The following NRG3 variants were observed in gnomAD, a reference collection of about 807,000 sequenced individuals.
NRG3 encodes pro-neuregulin-3, membrane-bound isoform.
A neutral mutation model predicts 66.9 loss-of-function variants in NRG3; 31 were observed. That is an observed-to-expected ratio of 0.46 (90% CI 0.35 to 0.63). NRG3 has a LOEUF of 0.63. Among genes scored for constraint, NRG3 ranks in the 20% least tolerant of loss-of-function variants. NRG3 has a pLI of 0.00. For synonymous variants in NRG3, 393 were observed against 359.4 expected (o/e 1.09, Z -1.06); for missense variants, 910 against 878.9 (o/e 1.04, Z -0.45).
chr10:81,987,081 CA>C (rs1389514300), intron 1 of NRG3, among the ~76,000 whole-genome samples: 40 of 123,644 alleles, frequency 3.2e-4, no homozygotes, highest in Admixed American at 1.0e-3. Context: ...TGTGTGTGTG[CA>C]TTTTTTTTTT....
intron 2 of NRG3, among the ~76,000 whole-genome samples, chr10:82,702,604 G>A (rs76652421): frequency 0.011 from 1,631 of 152,248 alleles, 25 homozygotes; most frequent in African/African-American, 0.038. Flanking sequence ...GATACAGTGC[G>A]ACTGGAAGGG....
intron 2 of NRG3, among the ~76,000 whole-genome samples, chr10:82,592,690 A>G (rs776980160): frequency 6.6e-6 from 1 of 152,176 alleles, no homozygotes; most frequent in Non-Finnish European, 1.5e-5. Flanking sequence ...GCAGCTATCT[A>G]TGCTGCTGAC....
chr10:82,668,350 A>T (rs1196199866), intron 2 of NRG3, among the ~76,000 whole-genome samples: 3 of 152,138 alleles, frequency 2.0e-5, no homozygotes, highest in African/African-American at 7.2e-5. Flanking sequence ...ATTGTTGGGA[A>T]ATCTGATTTT....
intron 2 of NRG3, among the ~76,000 whole-genome samples, chr10:82,661,368 C>A (rs994397447): frequency 2.6e-5 from 4 of 151,700 alleles, no homozygotes; most frequent in African/African-American, 9.7e-5. Context: ...ATATAAACAG[C>A]ATATTAAATA....
In NRG3 at chr10:82,738,655, G is replaced by C; in HGVS notation, c.1027+5G>C. 1 of 1,613,564 alleles carries C rather than the reference G, an allele frequency of 6.2e-7. No individual in the cohort carries two copies. Among genetic ancestry groups the C allele is most frequent in the African/African-American group, 1.3e-5 (1 of 75,016 alleles). On this transcript the variant is annotated splice_donor_5th_base_variant and intron_variant, in intron 3 of 8. Coordinates refer to ENST00000372141, the MANE Select transcript of NRG3 (RefSeq NM_001010848.4). Reference sequence around the variant, plus strand: ...ATTCCATCTTATCGGATCCAAGTAGGTCAAGCATTTTTCTTCTCTCTAATG... The same window carrying C: ...ATTCCATCTTATCGGATCCAAGTAGCTCAAGCATTTTTCTTCTCTCTAATG...
intron 1 of NRG3, among the ~76,000 whole-genome samples, chr10:82,267,946 G>C (rs570382303): frequency 6.6e-6 from 1 of 152,168 alleles, no homozygotes; most frequent in South Asian, 2.1e-4. Context: ...TTGGCTGTAT[G>C]CCCTGAGAAA....
At chr10:82,376,152 G>A (rs533552102) in intron 2 of NRG3, among the ~76,000 whole-genome samples, 1 of 152,162 alleles carries the variant, frequency 6.6e-6, no homozygotes, top group Non-Finnish European at 1.5e-5. Context: ...GGTTCCAGGG[G>A]TGTCGCTGAA....
At chr10:81,880,099 CTTTTCTGCTTT>C (rs1396569362) in intron 1 of NRG3, among the ~76,000 whole-genome samples, 1 of 152,076 alleles carries the variant, frequency 6.6e-6, no homozygotes, top group East Asian at 1.9e-4. Context: ...GATTATGAGA[CTTTTCTGCTTT>C]AATCAATTAT....
chr10:82,868,221 A>G (rs1840955343), intron 4 of NRG3, among the ~76,000 whole-genome samples: 2 of 152,158 alleles, frequency 1.3e-5, no homozygotes, highest in African/African-American at 2.4e-5. Flanking sequence ...TGGCACTGGT[A>G]ATTTATAGAG....
chr10:82,218,601 C>T (rs903998081), intron 1 of NRG3, among the ~76,000 whole-genome samples: 1 of 152,134 alleles, frequency 6.6e-6, no homozygotes, highest in African/African-American at 2.4e-5. Flanking sequence ...CCAGAACTTC[C>T]AGCCTGTGGG....
chr10:81,882,707 C>T (rs1041254342), intron 1 of NRG3, among the ~76,000 whole-genome samples: 4 of 152,076 alleles, frequency 2.6e-5, no homozygotes, highest in Non-Finnish European at 4.4e-5. Context: ...CTATTGAATT[C>T]GGTTGAAATA....
At chr10:82,035,607 C>T (rs1462711233) in intron 1 of NRG3, among the ~76,000 whole-genome samples, 1 of 151,928 alleles carries the variant, frequency 6.6e-6, no homozygotes, top group Non-Finnish European at 1.5e-5. Context: ...TGAATCTATC[C>T]AAATATTTCC....
At chr10:82,190,245 T>C (rs2074059256) in intron 1 of NRG3, among the ~76,000 whole-genome samples, 1 of 152,172 alleles carries the variant, frequency 6.6e-6, no homozygotes, top group Non-Finnish European at 1.5e-5. Flanking sequence ...CAAAGTGATA[T>C]TAATGATTAT....
chr10:82,511,885 T>G (rs1012417209), intron 2 of NRG3, among the ~76,000 whole-genome samples: 1 of 152,154 alleles, frequency 6.6e-6, no homozygotes, highest in Admixed American at 6.5e-5. Context: ...TCCTTCAACT[T>G]TTCATTGTAA....
At chr10:82,243,973 T>C (rs2077121466) in intron 1 of NRG3, among the ~76,000 whole-genome samples, 1 of 152,204 alleles carries the variant, frequency 6.6e-6, no homozygotes, top group Non-Finnish European at 1.5e-5. Context: ...TTTTTTTAAA[T>C]GTTAATTATG....
At chr10:82,653,947 C>T (rs2051638629) in intron 2 of NRG3, among the ~76,000 whole-genome samples, 1 of 152,264 alleles carries the variant, frequency 6.6e-6, no homozygotes, top group South Asian at 2.1e-4. Context: ...CCAGAGATTA[C>T]GTACTACTGC....
chr10:82,027,625 T>C (rs2062372711), intron 1 of NRG3, among the ~76,000 whole-genome samples: 1 of 152,172 alleles, frequency 6.6e-6, no homozygotes, highest in East Asian at 1.9e-4. Flanking sequence ...GCTCATTTTC[T>C]TGAGTGTTTC....
chr10:82,448,059 A>G lies in NRG3; in HGVS notation c.953+89191A>G, dbSNP rs138528176. ...GATTTTAGTCCCAAATAGAGGAAGC[A>G]TTCAAAAATTATCTAGTTTCCCCAA... On this transcript the variant is annotated intron_variant, in intron 2 of 8. Transcript: ENST00000372141. 2.9e-3 allele frequency among the ~76,000 whole-genome samples: 441 copies of G among 152,356 alleles called. 1 individual carries two copies. The highest frequency in any genetic ancestry group is 0.01 in the African/African-American group (422 of 41,588).
intron 1 of NRG3, among the ~76,000 whole-genome samples, chr10:82,130,195 C>CTA (rs1450592765): frequency 6.6e-6 from 1 of 151,362 alleles, no homozygotes; most frequent in Non-Finnish European, 1.5e-5. Context: ...ATTTTTTAGA[C>CTA]TATATGTATG....
Sources: allele counts gnomAD v4.1 joint callset (sites outside exome capture counted in the v4.1 genomes callset), GRCh38; gene constraint gnomAD v4.1.1; transcripts MANE v1.5; gene names NCBI Gene and HGNC (gene_info 2026-07-23, HGNC 2026-07-21).